The following NETO1 variants were observed in gnomAD, a reference collection of about 807,000 sequenced individuals.
NETO1 encodes neuropilin and tolloid like 1, also known as neuropilin and tolloid-like protein 1.
In NETO1, 26 loss-of-function variants were observed where a neutral mutation model predicts 61.3. The ratio of observed to expected loss-of-function variants is 0.42; its 90% CI spans 0.31 to 0.59. NETO1 has a LOEUF of 0.59. Ranked by LOEUF, NETO1 falls within the 20% of genes least tolerant of loss-of-function variation. NETO1 has a pLI of 0.12. For synonymous variants in NETO1, 225 were observed against 225.8 expected (o/e 1.00, Z 0.03); for missense variants, 531 against 662.8 (o/e 0.80, Z 2.18).
chr18:72,850,855 G>T (rs2074226705), intron 4 of NETO1, among the ~76,000 whole-genome samples: 1 of 152,110 alleles, frequency 6.6e-6, no homozygotes, highest in Admixed American at 6.5e-5. Context: ...GGTAACCTTA[G>T]GACTGACCCA....
chr18:72,787,529 T>C (rs768592006), intron 6 of NETO1, among the ~76,000 whole-genome samples: 5 of 152,170 alleles, frequency 3.3e-5, no homozygotes, highest in Non-Finnish European at 5.9e-5. Context: ...ATTTCTAACA[T>C]TGCATGTAGA....
At chr18:72,797,213 T>C (rs545039932) in intron 4 of NETO1, among the ~76,000 whole-genome samples, 2 of 152,218 alleles carry the variant, frequency 1.3e-5, no homozygotes, top group Non-Finnish European at 2.9e-5. Flanking sequence ...TTGTGGAATA[T>C]AGTTGATACT....
intron 4 of NETO1, among the ~76,000 whole-genome samples, chr18:72,831,441 T>C (rs1599103530): frequency 1.3e-5 from 2 of 152,328 alleles, no homozygotes; most frequent in Admixed American, 6.5e-5. Context: ...GTCTCTTCCT[T>C]CAGACAATCA....
At chr18:72,853,666 G>A (rs938516842) in intron 4 of NETO1, among the ~76,000 whole-genome samples, 5 of 150,518 alleles carry the variant, frequency 3.3e-5, no homozygotes, top group Non-Finnish European at 5.9e-5. Flanking sequence ...ACTGAGGCAC[G>A]AGAATCACTG....
chr18:72,846,035 T>C (rs1382759642), intron 4 of NETO1, among the ~76,000 whole-genome samples: 1 of 152,042 alleles, frequency 6.6e-6, no homozygotes, highest in Non-Finnish European at 1.5e-5. Flanking sequence ...TCTCCTACGC[T>C]GAAGGCTCAT....
chr18:72,792,674 T>C (rs747085993), intron 6 of NETO1, among the ~76,000 whole-genome samples: 6 of 151,890 alleles, frequency 4.0e-5, no homozygotes, highest in Admixed American at 1.3e-4. Flanking sequence ...TCTGGTCATA[T>C]CACTTTTCTG....
rs566115884 is a variant in NETO1, at chr18:72,866,426, GA to G, written c.28+837del. On this transcript the variant is annotated intron_variant, in intron 1 of 10. Transcript: ENST00000327305. ...CTGTTGTTACTGTGTGTTTCCACAG[GA>G]AAAAAAAAATCAATTTAATTTGTCA... 2.7e-3 allele frequency among the ~76,000 whole-genome samples: 408 copies of G among 149,162 alleles called. 3 individuals are homozygous for G. Among genetic ancestry groups the G allele is most frequent in the East Asian group, 0.019 (98 of 5,106 alleles).
chr18:72,803,384 T>C (rs1178531397), intron 4 of NETO1, among the ~76,000 whole-genome samples: 1 of 152,204 alleles, frequency 6.6e-6, no homozygotes, highest in Non-Finnish European at 1.5e-5. Flanking sequence ...GAAAATACAC[T>C]AATGGATGTT....
At position 72,783,888 on chromosome 18, in the gene NETO1, C is replaced by A; in HGVS notation, c.658G>T (p.Asp220Tyr). 6.2e-7 allele frequency: 1 copy of A among 1,612,526 alleles called. No individual in the cohort carries two copies. The highest frequency in any genetic ancestry group is 8.5e-7 in the Non-Finnish European group (1 of 1,178,646). Reference sequence around the variant, plus strand: ...TCATTTGAATTCTGCATCTCATAGTCCAAGAATCGTAAGTAAATCTATAAA... The same window carrying A: ...TCATTTGAATTCTGCATCTCATAGTACAAGAATCGTAAGTAAATCTATAAA... ...PRSKIYLRFL[D>Y]YEMQNSNECK... is the part of the protein sequence containing the mutation. The change falls in exon 7 of 11, where the codon GAC becomes TAC. Residue 220 changes from aspartate to tyrosine, a missense_variant. Physicochemically the swap from Asp to Tyr is radical, Grantham distance 160. Transcript: ENST00000327305.
At chr18:72,838,363 G>C (rs1324518656) in intron 4 of NETO1, among the ~76,000 whole-genome samples, 1 of 152,196 alleles carries the variant, frequency 6.6e-6, no homozygotes, top group Non-Finnish European at 1.5e-5. Flanking sequence ...CTCTTTGACT[G>C]ACATCTTAAG....
intron 4 of NETO1, among the ~76,000 whole-genome samples, chr18:72,849,815 G>A (rs73474061): frequency 0.047 from 7,141 of 152,252 alleles, 569 homozygotes; most frequent in African/African-American, 0.16. Context: ...CTTGGAGGCT[G>A]CAGGAGACAA....
chr18:72,784,029 C>T, intron 6 of NETO1, 123 bp from the exon 7 acceptor site: 1 of 673,498 alleles, frequency 1.5e-6, no homozygotes, highest in Non-Finnish European at 2.5e-6. Flanking sequence ...TTATTATTTT[C>T]CCTTGTGAAT....
intron 7 of NETO1, among the ~76,000 whole-genome samples, chr18:72,776,387 A>G (rs2071548726): frequency 6.6e-6 from 1 of 152,176 alleles, no homozygotes. Flanking sequence ...ATACTACCAC[A>G]CTGGGGATCA....
At chr18:72,817,294 A>G (rs1361069104) in intron 4 of NETO1, among the ~76,000 whole-genome samples, 3 of 152,206 alleles carry the variant, frequency 2.0e-5, no homozygotes, top group Non-Finnish European at 4.4e-5. Flanking sequence ...TGCAGAAGCC[A>G]TATGGAAACG....
intron 7 of NETO1, among the ~76,000 whole-genome samples, chr18:72,764,754 A>G (rs1347356953): frequency 6.6e-6 from 1 of 152,118 alleles, no homozygotes; most frequent in East Asian, 1.9e-4. Flanking sequence ...CCTCTTATCC[A>G]CATTTTCCTT....
chr18:72,841,425 G>GAA, intron 4 of NETO1, among the ~76,000 whole-genome samples: 1 of 116,386 alleles, frequency 8.6e-6, no homozygotes, highest in Non-Finnish European at 1.9e-5. Context: ...AATTGGCAGA[G>GAA]AAATCAAGCT....
chr18:72,861,193 A>G (rs2074561491), intron 3 of NETO1, among the ~76,000 whole-genome samples: 3 of 152,208 alleles, frequency 2.0e-5, no homozygotes, highest in Admixed American at 2.0e-4. Flanking sequence ...GTTCCCCAGG[A>G]AACATTCCGC....
chr18:72,773,301 C>T (rs921385856), intron 7 of NETO1, among the ~76,000 whole-genome samples: 1 of 152,020 alleles, frequency 6.6e-6, no homozygotes, highest in Admixed American at 6.6e-5. Context: ...AAGATAATCC[C>T]CCTTCTTTTG....
Position 72,756,097 on chromosome 18 carries a change from T to G in NETO1, c.919A>C (p.Asn307His), listed in dbSNP as rs1321818960. ...TGGAGTCCATTGCAGACCAAAGTAT[T>G]ATTAATACACATGTTACTATGGCAG... The part of the protein sequence containing the change: ...FFCHSNMCIN[N>H]TLVCNGLQNC... Residue 307 changes from asparagine to histidine, a missense_variant, in exon 8 of 11, where the codon AAT becomes CAT. Asn to His is a moderately conservative substitution (Grantham distance 68). Coordinates refer to ENST00000327305, the MANE Select transcript of NETO1 (RefSeq NM_138966.5). The G allele has an allele frequency of 9.3e-6, 15 of 1,610,700 alleles. No homozygotes were observed. The highest frequency in any genetic ancestry group is 1.3e-5 in the Non-Finnish European group (15 of 1,177,204).
Sources: allele counts gnomAD v4.1 joint callset (sites outside exome capture counted in the v4.1 genomes callset), GRCh38; gene constraint gnomAD v4.1.1; transcripts MANE v1.5; gene names NCBI Gene and HGNC (gene_info 2026-07-23, HGNC 2026-07-21).